The following ADAMTS20 variants were observed in gnomAD, a reference collection of about 807,000 sequenced individuals.
The protein encoded by ADAMTS20 is ADAM metallopeptidase with thrombospondin type 1 motif 20.
ADAMTS20 carries 225 observed loss-of-function variants against 260.1 expected under a neutral mutation model. The observed-to-expected ratio is 0.87, with a 90% confidence interval of 0.78 to 0.97. The LOEUF is 0.97. Ranked by LOEUF, ADAMTS20 falls within the 50% of genes least tolerant of loss-of-function variation. The pLI, the probability that ADAMTS20 is intolerant of heterozygous loss-of-function variation, is 0.00. For synonymous variants in ADAMTS20, 802 were observed against 769.5 expected (o/e 1.04, Z -0.70); for missense variants, 2,400 against 2,337.7 (o/e 1.03, Z -0.55).
At chr12:43,378,140 C>T (rs1940271228) in intron 31 of ADAMTS20, among the ~76,000 whole-genome samples, 1 of 152,190 alleles carries the variant, frequency 6.6e-6, no homozygotes, top group Non-Finnish European at 1.5e-5. Context: ...ACTAAAACAT[C>T]TGAACAAAAT....
chr12:43,502,082 A>G, intron 4 of ADAMTS20, 70 bp downstream of exon 4: 1 of 1,407,532 alleles, frequency 7.1e-7, no homozygotes, highest in Non-Finnish European at 9.4e-7. Flanking sequence ...AAAAAATTTA[A>G]TTCGACATGA....
rs1943421729 is a variant in ADAMTS20 at position 43,544,827 on chromosome 12, TG to T, written c.453+6081del. Among the ~76,000 whole-genome samples, 3 of 152,318 alleles carry T rather than the reference TG, an allele frequency of 2.0e-5. No homozygotes were observed. The South Asian group carries it at 6.2e-4, about 32-fold the overall frequency. On this transcript the variant is annotated intron_variant, in intron 2 of 38. Coordinates refer to ENST00000389420, the MANE Select transcript of ADAMTS20 (RefSeq NM_025003.5). ...TTAAACCAGAGTCATTAAAACTTTT[TG>T]GTCTCCTTCACCAATGCTCCAGAAT...
At chr12:43,524,924 G>A (rs940305714) in intron 3 of ADAMTS20, among the ~76,000 whole-genome samples, 1 of 152,220 alleles carries the variant, frequency 6.6e-6, no homozygotes, top group Non-Finnish European at 1.5e-5. Context: ...TTTATGAGTG[G>A]GAAGAGAAAG....
At chr12:43,428,179 T>G (rs1468923475) in intron 26 of ADAMTS20, 62 bp downstream of exon 26, 7 of 1,519,278 alleles carry the variant, frequency 4.6e-6, no homozygotes, top group African/African-American at 1.4e-5. Context: ...TATACATACC[T>G]GTTAAAAGGA....
At chr12:43,389,552 C>A (rs1940553076) in intron 29 of ADAMTS20, among the ~76,000 whole-genome samples, 1 of 152,104 alleles carries the variant, frequency 6.6e-6, no homozygotes, top group Non-Finnish European at 1.5e-5. Flanking sequence ...TCAGCCCATG[C>A]CACAGTTCTC....
At chr12:43,429,203 A>G (rs982867954) in intron 24 of ADAMTS20, among the ~76,000 whole-genome samples, 6 of 152,166 alleles carry the variant, frequency 3.9e-5, no homozygotes, top group Non-Finnish European at 8.8e-5. Flanking sequence ...CAGAGAATAT[A>G]TGAAGCTTAA....
chr12:43,354,440 G>C (rs1939701628), intron 38 of ADAMTS20, 142 bp from the exon 39 acceptor site: 2 of 596,964 alleles, frequency 3.4e-6, no homozygotes, highest in Non-Finnish European at 5.9e-6. Context: ...TGAGGTCAAA[G>C]ATCATATGCC....
intron 2 of ADAMTS20, among the ~76,000 whole-genome samples, chr12:43,548,114 C>T (rs1400607757): frequency 6.6e-6 from 1 of 151,954 alleles, no homozygotes; most frequent in Non-Finnish European, 1.5e-5. Context: ...ATTGGATGCT[C>T]ATTTCAATAT....
intron 7 of ADAMTS20, among the ~76,000 whole-genome samples, chr12:43,483,832 T>G (rs993578153): frequency 8.5e-5 from 13 of 152,130 alleles, no homozygotes; most frequent in African/African-American, 3.1e-4. Flanking sequence ...CGCAGCCAGT[T>G]TTTACCCATG....
intron 7 of ADAMTS20, among the ~76,000 whole-genome samples, chr12:43,471,283 TA>T (rs1192458874): frequency 2.0e-5 from 3 of 151,998 alleles, no homozygotes; most frequent in Non-Finnish European, 4.4e-5. Context: ...CAGACCGGCT[TA>T]AAACACGGCG....
intron 2 of ADAMTS20, among the ~76,000 whole-genome samples, chr12:43,537,617 T>C (rs996083546): frequency 7.9e-5 from 12 of 152,138 alleles, no homozygotes; most frequent in African/African-American, 2.7e-4. Flanking sequence ...TCTTACTCAT[T>C]CTAATTTTTT....
intron 3 of ADAMTS20, among the ~76,000 whole-genome samples, chr12:43,517,981 T>C (rs1943021869): frequency 6.6e-6 from 1 of 152,096 alleles, no homozygotes; most frequent in Non-Finnish European, 1.5e-5. Context: ...GATAATTTTA[T>C]TTTTCACTGT....
chr12:43,376,367 A>C (rs758286851), intron 33 of ADAMTS20, 37 bp from the exon 34 acceptor site: 1 of 1,488,626 alleles, frequency 6.7e-7, no homozygotes, highest in Non-Finnish European at 9.1e-7. Flanking sequence ...ACACAGAGCA[A>C]ATTACAAACA....
chr12:43,404,817 T>G (rs79712750), intron 28 of ADAMTS20, among the ~76,000 whole-genome samples: 3,411 of 152,196 alleles, frequency 0.022, 56 homozygotes, highest in East Asian at 0.084. Flanking sequence ...AAGATAAAGT[T>G]GATTATTGAG....
intron 2 of ADAMTS20, among the ~76,000 whole-genome samples, chr12:43,540,630 T>A (rs973687497): frequency 4.2e-5 from 2 of 47,794 alleles, no homozygotes; most frequent in Non-Finnish European, 1.0e-4. Flanking sequence ...AGCAAGGAAT[T>A]AGCAGACTTA....
intron 3 of ADAMTS20, among the ~76,000 whole-genome samples, chr12:43,508,405 A>C (rs1006573451): frequency 2.6e-5 from 4 of 152,196 alleles, no homozygotes; most frequent in African/African-American, 7.2e-5. Flanking sequence ...GGAGGTAGAA[A>C]TAAAAACAAA....
chr12:43,492,030 A>C (rs1366764105), intron 6 of ADAMTS20, among the ~76,000 whole-genome samples: 5 of 152,334 alleles, frequency 3.3e-5, no homozygotes, highest in Non-Finnish European at 5.9e-5. Flanking sequence ...TTTATTCGAT[A>C]GTTTCTTTTG....
intron 31 of ADAMTS20, among the ~76,000 whole-genome samples, chr12:43,382,355 C>T (rs552423084): frequency 6.6e-6 from 1 of 152,204 alleles, no homozygotes; most frequent in South Asian, 2.1e-4. Context: ...TTTAAAATAT[C>T]ATGCTAAGTG....
chr12:43,464,803 T>G, intron 9 of ADAMTS20, 71 bp from the exon 10 acceptor site: 1 of 1,464,794 alleles, frequency 6.8e-7, no homozygotes, highest in South Asian at 1.3e-5. Context: ...CTTTATCACA[T>G]TTTTTGTAGT....
Sources: gnomAD v4.1 joint callset for allele counts (sites outside exome capture counted in the v4.1 genomes callset) on GRCh38, gnomAD v4.1.1 for gene constraint, MANE v1.5 for transcripts, NCBI Gene and HGNC (gene_info 2026-07-23, HGNC 2026-07-21) for gene names.